MINDY4: variants seen among roughly 807,000 people sequenced by gnomAD.
MINDY4 encodes MINDY lysine 48 deubiquitinase 4.
MINDY4 carries 68 observed loss-of-function variants against 87.0 expected under a neutral mutation model. The observed-to-expected ratio is 0.78, with a 90% CI of 0.64 to 0.96. MINDY4 has a LOEUF of 0.96. Among genes scored for constraint, MINDY4 ranks in the 40% least tolerant of loss-of-function variants. The probability of loss-of-function intolerance (pLI) is 0.00; values close to 1 mark genes in which losing one functional copy is unlikely to be tolerated. For missense variants in MINDY4, 919 were observed against 928.2 expected, an observed-to-expected ratio of 0.99 and a Z score of 0.13; for synonymous variants, 379 against 363.2, an observed-to-expected ratio of 1.04 and a Z score of -0.50.
At chr7:30,848,466 A>C (rs1170671891) in intron 9 of MINDY4, among the ~76,000 whole-genome samples, 2 of 152,258 alleles carry the variant, frequency 1.3e-5, no homozygotes, top group Non-Finnish European at 2.9e-5. Flanking sequence ...GTATGAGAGC[A>C]GGGCATGAAG....
chr7:30,834,068 G>C (rs560518944), intron 6 of MINDY4, among the ~76,000 whole-genome samples: 3 of 152,218 alleles, frequency 2.0e-5, no homozygotes, highest in African/African-American at 7.2e-5. Flanking sequence ...TACCATTCTG[G>C]GGTCTGGAGG....
At chr7:30,890,591 T>C (rs931228270) in intron 17 of MINDY4, among the ~76,000 whole-genome samples, 2 of 152,222 alleles carry the variant, frequency 1.3e-5, no homozygotes, top group East Asian at 3.8e-4. Flanking sequence ...ATTTAGTCTT[T>C]ACAGATACCA....
In MINDY4 at chr7:30,793,379, A is replaced by G. The variant is rs114610780; in HGVS notation, c.1073+1805A>G. Among the ~76,000 whole-genome samples, 721 of 142,894 alleles carry G rather than the reference A, an allele frequency of 5.0e-3. 6 individuals carry two copies. Among genetic ancestry groups the G allele is most frequent in the African/African-American group, 0.018 (680 of 38,670 alleles). 93.7% of individuals were successfully genotyped at this position (142,894 alleles called of 152,430 possible). ...TATTTTTTTTTAGCAGGTATGTTAA[A>G]TTTTTTTTTCTAGTTTTTATTTGGA... is the stretch of plus-strand genomic sequence containing the variant. On this transcript the variant is annotated intron_variant, in intron 5 of 17. Coordinates refer to ENST00000265299, the MANE Select transcript of MINDY4 (RefSeq NM_032222.3).
In MINDY4 at chr7:30,859,270, C is replaced by G. The variant is rs1412442048; in HGVS notation, c.1691C>G (p.Pro564Arg). 6.2e-7 allele frequency: 1 copy of G among 1,613,972 alleles called. No homozygotes were observed. The highest frequency in any genetic ancestry group is 1.3e-5 in the African/African-American group (1 of 74,882). ...QQSIHQFEVG[P>R]YGCILLTLSA... ...TCCCCCTCCCAGTTTGAAGTGGGCCCCTATGGCTGCATCCTGCTCACCCTT... is the reference window on the plus strand; with the variant it reads ...TCCCCCTCCCAGTTTGAAGTGGGCCGCTATGGCTGCATCCTGCTCACCCTT... Residue 564 changes from proline to arginine, a missense_variant, in exon 13 of 18, where the codon CCC becomes CGC. Physicochemically the swap from Pro to Arg is moderately radical, Grantham distance 103. Coordinates refer to ENST00000265299, the MANE Select transcript of MINDY4 (RefSeq NM_032222.3).
intron 14 of MINDY4, 35 bp from the exon 15 acceptor site, chr7:30,875,460 A>C: frequency 6.2e-7 from 1 of 1,611,894 alleles, no homozygotes; most frequent in South Asian, 1.1e-5. Context: ...ACTGATTCAG[A>C]CTTGATGAGT....
rs774490751 is a variant in MINDY4, at chr7:30,785,983, C to T, written c.654C>T (p.Ser218=). 3.1e-6 allele frequency: 5 copies of T among 1,614,106 alleles called. No homozygotes were observed. Among genetic ancestry groups the T allele is most frequent in the Non-Finnish European group, 4.2e-6 (5 of 1,180,004 alleles). ...GCATGATGTCTGGGCCCATCGCCAG[C>T]TCCCCACAGGTGGGGCTGTTGCTCT... ...VRGMMSGPIA[S]SPQDSFHRHY... Residue 218 remains serine (S), a synonymous_variant, in exon 4 of 18, where the codon AGC becomes AGT. Coordinates refer to ENST00000265299, the MANE Select transcript of MINDY4 (RefSeq NM_032222.3).
chr7:30,813,463 C>T (rs1042865936), intron 5 of MINDY4, among the ~76,000 whole-genome samples: 29 of 152,174 alleles, frequency 1.9e-4, no homozygotes, highest in Non-Finnish European at 3.7e-4. Context: ...CATGTCCAGC[C>T]CCTCAGTGAA....
intron 5 of MINDY4, among the ~76,000 whole-genome samples, chr7:30,806,571 A>T (rs1787811210): frequency 6.6e-6 from 1 of 152,122 alleles, no homozygotes; most frequent in Non-Finnish European, 1.5e-5. Flanking sequence ...AGATTATGGA[A>T]GATTGTGATG....
At chr7:30,858,562 C>T (rs1789650288) in intron 12 of MINDY4, 1 of 152,014 alleles carries the variant, frequency 6.6e-6, no homozygotes, top group Non-Finnish European at 1.5e-5. Context: ...CCAAAAATCT[C>T]AGAAATTAGC....
intron 17 of MINDY4, among the ~76,000 whole-genome samples, chr7:30,885,172 T>C (rs1771426040): frequency 6.6e-6 from 1 of 152,214 alleles, no homozygotes; most frequent in African/African-American, 2.4e-5. Context: ...TGGCTCATGC[T>C]TGGGGAAAGT....
intron 5 of MINDY4, among the ~76,000 whole-genome samples, chr7:30,819,413 A>G (rs760713222): frequency 3.9e-5 from 6 of 152,158 alleles, no homozygotes; most frequent in Non-Finnish European, 7.4e-5. Context: ...TAATATGTGG[A>G]CTGCTGTATG....
At chr7:30,773,870 C>T (rs1241312346) in intron 1 of MINDY4, among the ~76,000 whole-genome samples, 2 of 152,210 alleles carry the variant, frequency 1.3e-5, no homozygotes, top group Non-Finnish European at 2.9e-5. Context: ...CTCGGGCCTA[C>T]CATAACCCAC....
At chr7:30,875,331 AG>A (rs2128579458) in intron 14 of MINDY4, among the ~76,000 whole-genome samples, 163 bp from the exon 15 acceptor site, 1 of 152,346 alleles carries the variant, frequency 6.6e-6, no homozygotes, top group South Asian at 2.1e-4. Flanking sequence ...CCTTTCCCAC[AG>A]GACTTGTGGG....
At chr7:30,831,974 A>G (rs1788717248) in intron 6 of MINDY4, among the ~76,000 whole-genome samples, 1 of 152,096 alleles carries the variant, frequency 6.6e-6, no homozygotes, top group African/African-American at 2.4e-5. Flanking sequence ...CTTCCTGGCC[A>G]ACATGTCGTT....
chr7:30,862,635 G>A (rs1357317932), intron 13 of MINDY4, among the ~76,000 whole-genome samples: 1 of 152,224 alleles, frequency 6.6e-6, no homozygotes, highest in East Asian at 1.9e-4. Flanking sequence ...CAGACATTTG[G>A]ACACTTGGGT....
chr7:30,796,769 C>T (rs1787502054), intron 5 of MINDY4: 1 of 152,116 alleles, frequency 6.6e-6, no homozygotes, highest in Non-Finnish European at 1.5e-5. Context: ...CATGCTCCTC[C>T]TGTATTCACT....
chr7:30,810,210 A>G (rs1048741360), intron 5 of MINDY4, among the ~76,000 whole-genome samples: 2 of 150,620 alleles, frequency 1.3e-5, no homozygotes, highest in African/African-American at 2.4e-5. Context: ...AATGTTTATA[A>G]TAAGTCAGAA....
At chr7:30,853,184 C>T (rs577649302) in intron 11 of MINDY4, among the ~76,000 whole-genome samples, 2 of 152,360 alleles carry the variant, frequency 1.3e-5, no homozygotes, top group Admixed American at 6.5e-5. Flanking sequence ...CCACCTGAAC[C>T]CTGACGACTC....
At position 30,882,907 on chromosome 7, in the gene MINDY4, C is replaced by T. The variant is rs771452858; in HGVS notation, c.2153-14C>T. 149 of 1,613,520 alleles carry T rather than the reference C, an allele frequency of 9.2e-5. No individual in the cohort carries two copies. Among genetic ancestry groups the T allele is most frequent in the Non-Finnish European group, 1.2e-4 (138 of 1,179,710 alleles). ...CCCTGGGTGACATGTGTGTGCCTCT[C>T]TCCTCCTTCCCAGACACCACCCAAA... On this transcript the variant is annotated splice_polypyrimidine_tract_variant and intron_variant, in intron 16 of 17. Coordinates refer to ENST00000265299, the MANE Select transcript of MINDY4 (RefSeq NM_032222.3).
Sources: gnomAD v4.1 joint callset for allele counts (sites outside exome capture counted in the v4.1 genomes callset) on GRCh38, gnomAD v4.1.1 for gene constraint, MANE v1.5 for transcripts, NCBI Gene and HGNC (gene_info 2026-07-23, HGNC 2026-07-21) for gene names.